Variants in ZNF556 observed in about 807,000 individuals in gnomAD.
The protein encoded by ZNF556 is zinc finger protein 556.
Under a neutral mutation model 13.6 loss-of-function variants are expected in ZNF556, and 11 were observed. The ratio of observed to expected loss-of-function variants is 0.81; its 90% CI spans 0.51 to 1.33. ZNF556 has a LOEUF of 1.33. Ranked by LOEUF, ZNF556 falls within the 40% of genes most tolerant of loss-of-function variation. The pLI is 0.00. For missense variants in ZNF556, 633 were observed against 566.2 expected (o/e 1.12, Z -1.20); for synonymous variants, 229 against 207.8 (o/e 1.10, Z -0.88).
chr19:2,873,485 G>A lies in ZNF556; in HGVS notation c.4-11G>A. On this transcript the variant is annotated splice_polypyrimidine_tract_variant and intron_variant, in intron 1 of 3. Transcript: ENST00000307635. ...CCCCATCCTCATGTACACATATGTGGTTTGTTTTAGGACACAGTGGTCTTT... is the reference window on the plus strand; with the variant it reads ...CCCCATCCTCATGTACACATATGTGATTTGTTTTAGGACACAGTGGTCTTT... The A allele has an allele frequency of 6.2e-7, 1 of 1,613,852 alleles. No individual in the cohort carries two copies.
intron 3 of ZNF556, 22 bp from the exon 4 acceptor site, chr19:2,877,248 TTAA>T (rs1368175375): frequency 6.4e-7 from 1 of 1,557,100 alleles, no homozygotes; most frequent in African/African-American, 1.4e-5. Context: ...GCATAAACCA[TTAA>T]TAATGTGCTA....
chr19:2,882,547 T>TGTG lies in ZNF556; in HGVS notation c.*4219_*4221dup, dbSNP rs1394558048. The TGTG allele has an allele frequency of 6.6e-6, 1 of 151,296 alleles. No homozygotes were observed. The highest frequency in any genetic ancestry group is 1.5e-5 in the Non-Finnish European group (1 of 68,226). 9.4% of individuals were successfully genotyped at this position (151,296 alleles called of 1,614,324 possible). On this transcript the variant is annotated 3_prime_UTR_variant, in exon 4 of 4. Coordinates refer to ENST00000307635, the MANE Select transcript of ZNF556 (RefSeq NM_024967.3). ...TATATATATAGTGTGTGTGTGTGTG[T>TGTG]GTGTGTGTGTGTGTGTGTGAATGTG...
chr19:2,877,740 G>T lies in ZNF556; in HGVS notation c.782G>T (p.Cys261Phe). ...MMHAGGRPYE[C>F]KHCGKAFRCQ... The stretch of plus-strand genomic sequence containing the variant: ...CACGCCGGAGGGAGACCGTATGAGT[G>T]CAAGCACTGTGGGAAAGCCTTCAGG... The change falls in exon 4 of 4, where the codon TGC becomes TTC. Residue 261 changes from cysteine to phenylalanine, a missense_variant. Physicochemically the swap from Cys to Phe is radical, Grantham distance 205 (BLOSUM62 -2). Transcript: ENST00000307635. The T allele has an allele frequency of 6.2e-7, 1 of 1,613,534 alleles. No homozygotes were observed. Among genetic ancestry groups the T allele is most frequent in the South Asian group, 1.1e-5 (1 of 90,896 alleles).
At chr19:2,869,652 C>G (rs1029806639) in intron 1 of ZNF556, among the ~76,000 whole-genome samples, 1 of 152,184 alleles carries the variant, frequency 6.6e-6, no homozygotes, top group Non-Finnish European at 1.5e-5. Context: ...CAGGCGTGAG[C>G]CACCGCGCCC....
chr19:2,869,617 C>T lies in ZNF556; in HGVS notation c.3+2193C>T, dbSNP rs189021005. Among the ~76,000 whole-genome samples the T allele has an allele frequency of 2.0e-3, 298 of 152,274 alleles. 2 individuals are homozygous for T. The highest frequency in any genetic ancestry group is 3.1e-3 in the Non-Finnish European group (213 of 68,016). On this transcript the variant is annotated intron_variant, in intron 1 of 3. Transcript: ENST00000307635. ...TCCTGACCTCATGATCCGCCCACCT[C>T]GGCCTCCCAAAGTGCTGGGATTAAC...
At position 2,875,835 on chromosome 19, in the gene ZNF556, G is replaced by A. The variant is rs538043846; in HGVS notation, c.131-258G>A. On this transcript the variant is annotated intron_variant, in intron 2 of 3. Coordinates refer to ENST00000307635, the MANE Select transcript of ZNF556 (RefSeq NM_024967.3). ...AAAAATTAGCTGGGCATGGTGGCAC[G>A]CACCTGTAATCCCAGCTACTTGGGA... 3.6e-3 allele frequency among the ~76,000 whole-genome samples: 553 copies of A among 152,064 alleles called. 3 individuals carry two copies. Among genetic ancestry groups the A allele is most frequent in the African/African-American group, 0.012 (518 of 41,488 alleles).
intron 1 of ZNF556, among the ~76,000 whole-genome samples, chr19:2,870,931 C>T (rs1568351852): frequency 2.0e-5 from 3 of 151,156 alleles, no homozygotes; most frequent in East Asian, 2.0e-4. Context: ...CCCAGCTACT[C>T]GGGAGGCTGA....
At chr19:2,875,913 G>A (rs535919234) in intron 2 of ZNF556, among the ~76,000 whole-genome samples, 180 bp from the exon 3 acceptor site, 4 of 152,198 alleles carry the variant, frequency 2.6e-5, no homozygotes, top group East Asian at 1.9e-4. Flanking sequence ...GCAGTGAGCC[G>A]AGATCGCGCC....
rs1370289292 is a variant in ZNF556 at position 2,881,435 on chromosome 19, G to C, written c.*3106G>C. 6.6e-6 allele frequency: 1 copy of C among 152,070 alleles called. No individual in the cohort carries two copies. Among genetic ancestry groups the C allele is most frequent in the African/African-American group, 2.4e-5 (1 of 41,408 alleles). 9.4% of individuals were successfully genotyped at this position (152,070 alleles called of 1,614,324 possible). On this transcript the variant is annotated 3_prime_UTR_variant, in exon 4 of 4. Coordinates refer to ENST00000307635, the MANE Select transcript of ZNF556 (RefSeq NM_024967.3). The stretch of plus-strand genomic sequence containing the variant: ...TACTAAAAATACAAAAAATTGGCCA[G>C]GCGTGGTGGCAGGCGCCTGTAATCC...
In ZNF556 at chr19:2,873,507, C is replaced by G. The variant is rs769940265; in HGVS notation, c.15C>G (p.Val5=). 6.2e-6 allele frequency: 10 copies of G among 1,614,058 alleles called. No individual in the cohort carries two copies. Among genetic ancestry groups the G allele is most frequent in the African/African-American group, 1.3e-5 (1 of 75,040 alleles). Residue 5 remains valine (V), a synonymous_variant, in exon 2 of 4, where the codon GTC becomes GTG. Coordinates refer to ENST00000307635, the MANE Select transcript of ZNF556 (RefSeq NM_024967.3). MDTV[V]FEDVVVDFTL... Reference sequence around the variant, plus strand: ...GTGGTTTGTTTTAGGACACAGTGGTCTTTGAAGACGTGGTTGTGGATTTCA... The same window carrying G: ...GTGGTTTGTTTTAGGACACAGTGGTGTTTGAAGACGTGGTTGTGGATTTCA...
chr19:2,882,531 A>ATATATAGTGTGTGTGT lies in ZNF556; in HGVS notation c.*4202_*4203insTATATAGTGTGTGTGT, dbSNP rs57053138. The ATATATAGTGTGTGTGT allele has an allele frequency of 3.5e-3, 444 of 127,660 alleles. 3 individuals are homozygous for ATATATAGTGTGTGTGT. The highest frequency in any genetic ancestry group is 0.013 in the African/African-American group (414 of 32,926). The allele number at this position is 127,660 out of a possible 1,614,324, so 7.9% of individuals were successfully genotyped here. A position where few individuals can be genotyped will look rare whatever the true frequency, so the allele number is the denominator to read the frequency against. On this transcript the variant is annotated 3_prime_UTR_variant, in exon 4 of 4. Coordinates refer to ENST00000307635, the MANE Select transcript of ZNF556 (RefSeq NM_024967.3). ...ATACATTTTATATATATATATATAT[A>ATATATAGTGTGTGTGT]GTGTGTGTGTGTGTGTGTGTGTGTG...
intron 1 of ZNF556, among the ~76,000 whole-genome samples, chr19:2,868,547 G>A (rs1310038984): frequency 2.6e-5 from 4 of 151,330 alleles, no homozygotes; most frequent in Non-Finnish European, 5.9e-5. Context: ...CTCCCCAGCA[G>A]CTGGGACTAC....
Position 2,882,531 on chromosome 19 carries a change from A to ATATATATAGT in ZNF556, c.*4202_*4203insTATATATAGT, listed in dbSNP as rs57053138. On this transcript the variant is annotated 3_prime_UTR_variant, in exon 4 of 4. Transcript: ENST00000307635. ...ATACATTTTATATATATATATATAT[A>ATATATATAGT]GTGTGTGTGTGTGTGTGTGTGTGTG... The ATATATATAGT allele has an allele frequency of 3.1e-5, 4 of 127,722 alleles. No homozygotes were observed. Among genetic ancestry groups the ATATATATAGT allele is most frequent in the African/African-American group, 1.2e-4 (4 of 32,988 alleles). The allele number at this position is 127,722 out of a possible 1,614,324, so 7.9% of individuals were successfully genotyped here.
rs1172585196 is a variant in ZNF556 at position 2,879,205 on chromosome 19, G to C, written c.*876G>C. On this transcript the variant is annotated 3_prime_UTR_variant, in exon 4 of 4. Coordinates refer to ENST00000307635, the MANE Select transcript of ZNF556 (RefSeq NM_024967.3). Reference sequence around the variant, plus strand: ...AGAATCCTTCTTCATTTTGCTTGTGGACTAATAGGTAGTTGGTAGAAATAC... The same window carrying C: ...AGAATCCTTCTTCATTTTGCTTGTGCACTAATAGGTAGTTGGTAGAAATAC... 1 of 152,178 alleles carries C rather than the reference G, an allele frequency of 6.6e-6. No individual in the cohort carries two copies. Among genetic ancestry groups the C allele is most frequent in the East Asian group, 1.9e-4 (1 of 5,200 alleles). The allele number at this position is 152,178 out of a possible 1,614,324, so 9.4% of individuals were successfully genotyped here. A position where few individuals can be genotyped will look rare whatever the true frequency, so the allele number is the denominator to read the frequency against.
rs1568352835 is a variant in ZNF556, at chr19:2,873,536, TGGA to T, written c.49_51del (p.Glu17del). 1 of 1,614,226 alleles carries T rather than the reference TGGA, an allele frequency of 6.2e-7. No individual in the cohort carries two copies. The highest frequency in any genetic ancestry group is 1.1e-5 in the South Asian group (1 of 91,086). On this transcript the variant is annotated inframe_deletion, in exon 2 of 4. Coordinates refer to ENST00000307635, the MANE Select transcript of ZNF556 (RefSeq NM_024967.3). ...GAAGACGTGGTTGTGGATTTCACGC[TGGA>T]GGAGTGGGCCTTGCTGAATCCTGCT...
At chr19:2,871,580 G>A (rs1029553279) in intron 1 of ZNF556, among the ~76,000 whole-genome samples, 2 of 152,168 alleles carry the variant, frequency 1.3e-5, no homozygotes, top group South Asian at 2.1e-4. Flanking sequence ...TTGGGAGGCT[G>A]AGGTGGGTGG....
At chr19:2,877,187 G>A (rs1003346897) in intron 3 of ZNF556, 86 bp from the exon 4 acceptor site, 1 of 1,163,610 alleles carries the variant, frequency 8.6e-7, no homozygotes, top group Non-Finnish European at 1.2e-6. Context: ...TCCAGCCTGG[G>A]GAACAAGAGC....
Position 2,878,023 on chromosome 19 carries a change from T to G in ZNF556, c.1065T>G (p.Pro355=). 6.2e-7 allele frequency: 1 copy of G among 1,614,088 alleles called. No individual in the cohort carries two copies. The highest frequency in any genetic ancestry group is 1.1e-5 in the South Asian group (1 of 91,090). Residue 355 remains proline, a synonymous_variant, in exon 4 of 4, where the codon CCT becomes CCG. Transcript: ENST00000307635. ...GGSVGKSSAR[P]RPSTDVKSQT... ...GCGTGGGAAAGTCTTCCGCGAGGCC[T>G]CGCCCCTCCACAGATGTCAAATCAC...
intron 2 of ZNF556, chr19:2,875,640 GA>G (rs1364339269): frequency 6.4e-6 from 1 of 155,744 alleles, no homozygotes; most frequent in Admixed American, 6.5e-5. Context: ...CAGGCTCCAA[GA>G]TGGCAGAAGG....
Sources: allele counts gnomAD v4.1 joint callset (sites outside exome capture counted in the v4.1 genomes callset), GRCh38; gene constraint gnomAD v4.1.1; transcripts MANE v1.5; gene names NCBI Gene and HGNC (gene_info 2026-07-23, HGNC 2026-07-21).